ZBTB41: variants seen among roughly 807,000 people sequenced by gnomAD.
ZBTB41 encodes zinc finger and BTB domain-containing protein 41.
Under a neutral mutation model 87.6 loss-of-function variants are expected in ZBTB41, and 42 were observed. The observed-to-expected ratio is 0.48, with a 90% CI of 0.37 to 0.62. The LOEUF (loss-of-function observed/expected upper bound fraction) is 0.62, where lower values mean the gene tolerates loss of function less well. ZBTB41 is among the 20% of genes least tolerant of loss of function. The pLI, the probability that ZBTB41 is intolerant of heterozygous loss-of-function variation, is 0.00. For synonymous variants in ZBTB41, 364 were observed against 364.0 expected (o/e 1.00, Z 0.00); for missense variants, 799 against 1,078.9 (o/e 0.74, Z 3.63).
intron 10 of ZBTB41, among the ~76,000 whole-genome samples, chr1:197,162,456 T>C (rs2125122647): frequency 6.6e-6 from 1 of 152,216 alleles, no homozygotes; most frequent in African/African-American, 2.4e-5. Flanking sequence ...CTCAAAGAGA[T>C]GTAAACTAAT....
Position 197,154,566 on chromosome 1 carries a change from CTTA to C in ZBTB41, c.*4790_*4792del, listed in dbSNP as rs1252368714. The C allele has an allele frequency of 6.6e-6, 1 of 152,014 alleles. No homozygotes were observed. Among genetic ancestry groups the C allele is most frequent in the African/African-American group, 2.4e-5 (1 of 41,426 alleles). 9.4% of individuals were successfully genotyped at this position (152,014 alleles called of 1,614,324 possible). On this transcript the variant is annotated 3_prime_UTR_variant, in exon 11 of 11. Transcript: ENST00000367405. ...CACATCTTAATCCTATTACATCTAT[CTTA>C]TTAATGCTACTTCCAAAGAGAAAGA... is the stretch of plus-strand genomic sequence containing the variant.
chr1:197,177,405 T>G (rs1659635128), intron 7 of ZBTB41, among the ~76,000 whole-genome samples: 1 of 152,074 alleles, frequency 6.6e-6, no homozygotes, highest in Admixed American at 6.6e-5. Flanking sequence ...GAACTGTGAG[T>G]CAATTAAATC....
rs1226288374 is a variant in ZBTB41 at position 197,158,266 on chromosome 1, G to A, written c.*1093C>T. 3 of 152,316 alleles carry A rather than the reference G, an allele frequency of 2.0e-5. No homozygotes were observed. The highest frequency in any genetic ancestry group is 1.9e-4 in the East Asian group (1 of 5,188). 9.4% of individuals were successfully genotyped at this position (152,316 alleles called of 1,614,324 possible). ...TTACAGACATTAGGCTTTTGTGAAG[G>A]CAAAATTAAAGATCTGGATTGCATG... On this transcript the variant is annotated 3_prime_UTR_variant, in exon 11 of 11. Transcript: ENST00000367405.
At position 197,181,137 on chromosome 1, in the gene ZBTB41, AGT is replaced by A; in HGVS notation, c.1547-22_1547-21del. On this transcript the variant is annotated intron_variant, in intron 5 of 10. Coordinates refer to ENST00000367405, the MANE Select transcript of ZBTB41 (RefSeq NM_194314.3). ...AAGGACCTAAAAAGGAAAAAAAAAA[AGT>A]GTGCATTTAAAGTTTAAAGAGGAGA... is the stretch of plus-strand genomic sequence containing the variant. The A allele has an allele frequency of 6.4e-7, 1 of 1,555,758 alleles. No homozygotes were observed. The highest frequency in any genetic ancestry group is 8.6e-7 in the Non-Finnish European group (1 of 1,163,560).
At chr1:197,188,738 T>A (rs1434269613) in intron 4 of ZBTB41, among the ~76,000 whole-genome samples, 1 of 152,226 alleles carries the variant, frequency 6.6e-6, no homozygotes, top group Non-Finnish European at 1.5e-5. Flanking sequence ...TGAAATATAT[T>A]GTTTTTTAGT....
chr1:197,176,788 C>A (rs773509639), intron 7 of ZBTB41, 118 bp from the exon 8 acceptor site: 12 of 708,962 alleles, frequency 1.7e-5, no homozygotes, highest in Non-Finnish European at 2.9e-5. Context: ...ACCACTCATA[C>A]ATTATTGGCT....
intron 10 of ZBTB41, among the ~76,000 whole-genome samples, chr1:197,166,159 C>A (rs1270108289): frequency 6.6e-6 from 1 of 151,766 alleles, no homozygotes; most frequent in Admixed American, 6.6e-5. Context: ...CCTGCACATT[C>A]TGCACATGTA....
At chr1:197,188,784 G>A (rs1659947732) in intron 4 of ZBTB41, among the ~76,000 whole-genome samples, 1 of 152,022 alleles carries the variant, frequency 6.6e-6, no homozygotes, top group East Asian at 1.9e-4. Context: ...TTTCAGTGTT[G>A]CCATATATTT....
Position 197,155,842 on chromosome 1 carries a change from G to A in ZBTB41, c.*3517C>T, listed in dbSNP as rs1252403326. The A allele has an allele frequency of 6.6e-6, 1 of 152,210 alleles. No individual in the cohort carries two copies. Among genetic ancestry groups the A allele is most frequent in the African/African-American group, 2.4e-5 (1 of 41,356 alleles). The allele number at this position is 152,210 out of a possible 1,614,324, so 9.4% of individuals were successfully genotyped here. On this transcript the variant is annotated 3_prime_UTR_variant, in exon 11 of 11. Coordinates refer to ENST00000367405, the MANE Select transcript of ZBTB41 (RefSeq NM_194314.3). ...CAATAAATGCCTTAATTACTTAAAT[G>A]TATGCAAAGACTACTATCTTTACAG...
intron 10 of ZBTB41, among the ~76,000 whole-genome samples, chr1:197,171,749 T>C (rs1404896879): frequency 6.6e-6 from 1 of 151,556 alleles, no homozygotes; most frequent in Non-Finnish European, 1.5e-5. Context: ...AACAAGACAA[T>C]GAGGTCATAT....
intron 5 of ZBTB41, among the ~76,000 whole-genome samples, chr1:197,186,993 G>T (rs1659902454): frequency 6.6e-6 from 1 of 152,116 alleles, no homozygotes; most frequent in Admixed American, 6.6e-5. Flanking sequence ...TCAGGAAAAT[G>T]CAAATCAATG....
At chr1:197,187,070 G>A (rs1414960511) in intron 5 of ZBTB41, among the ~76,000 whole-genome samples, 1 of 152,090 alleles carries the variant, frequency 6.6e-6, no homozygotes, top group Non-Finnish European at 1.5e-5. Flanking sequence ...ACCAAATGCT[G>A]GCAAGAACAT....
chr1:197,199,521 G>A lies in ZBTB41; in HGVS notation c.953C>T (p.Ser318Phe), dbSNP rs1268964035. The A allele has an allele frequency of 6.2e-7, 1 of 1,611,510 alleles. No homozygotes were observed. The highest frequency in any genetic ancestry group is 8.5e-7 in the Non-Finnish European group (1 of 1,179,286). ...ELEEEMSDEY[S>F]DIEEQSEKDH... is the part of the protein sequence containing the mutation. Reference sequence around the variant, plus strand: ...CTTTTCACTTTGTTCTTCAATGTCAGAGTACTCATCTGACATCTCCTCCTC... The same window carrying A: ...CTTTTCACTTTGTTCTTCAATGTCAAAGTACTCATCTGACATCTCCTCCTC... Residue 318 changes from serine (S) to phenylalanine (F), a missense_variant, in exon 2 of 11, where the codon TCT (serine) becomes TTT (phenylalanine). By Grantham distance (155) the Ser-to-Phe change is radical (BLOSUM62 -2). Coordinates refer to ENST00000367405, the MANE Select transcript of ZBTB41 (RefSeq NM_194314.3).
At chr1:197,178,391 T>C in intron 7 of ZBTB41, 26 bp downstream of exon 7, 1 of 1,478,132 alleles carries the variant, frequency 6.8e-7, no homozygotes, top group African/African-American at 1.4e-5. Flanking sequence ...TCTTACTTAA[T>C]AAAGGGAAAA....
intron 2 of ZBTB41, among the ~76,000 whole-genome samples, chr1:197,193,925 T>C (rs1156455171): frequency 1.3e-5 from 2 of 152,204 alleles, no homozygotes; most frequent in Non-Finnish European, 2.9e-5. Flanking sequence ...TTGGAACAGG[T>C]CCATTTTTAA....
At chr1:197,166,444 T>G (rs574437915) in intron 10 of ZBTB41, among the ~76,000 whole-genome samples, 1 of 152,240 alleles carries the variant, frequency 6.6e-6, no homozygotes, top group Admixed American at 6.5e-5. Flanking sequence ...TGCCAATAGA[T>G]TTCACATTTT....
intron 2 of ZBTB41, among the ~76,000 whole-genome samples, chr1:197,198,222 G>A (rs966163233): frequency 1.3e-5 from 2 of 152,064 alleles, no homozygotes; most frequent in African/African-American, 4.8e-5. Flanking sequence ...CACAGCCTCA[G>A]TTAAAATATT....
chr1:197,176,685 G>T lies in ZBTB41; in HGVS notation c.1773-15C>A. 1 of 1,550,296 alleles carries T rather than the reference G, an allele frequency of 6.5e-7. No homozygotes were observed. Among genetic ancestry groups the T allele is most frequent in the Non-Finnish European group, 8.9e-7 (1 of 1,125,044 alleles). The stretch of plus-strand genomic sequence containing the variant: ...GTAAGTGAAGTCTATAAAGAAAAAA[G>T]AATTGAACACCATTAAAACTGGTGA... On this transcript the variant is annotated splice_polypyrimidine_tract_variant and intron_variant, in intron 7 of 10. Coordinates refer to ENST00000367405, the MANE Select transcript of ZBTB41 (RefSeq NM_194314.3).
At chr1:197,171,480 T>C (rs982801153) in intron 10 of ZBTB41, among the ~76,000 whole-genome samples, 10 of 152,034 alleles carry the variant, frequency 6.6e-5, no homozygotes, top group African/African-American at 1.9e-4. Flanking sequence ...AATACATAAA[T>C]GGGCTTGTTT....
Sources: allele counts gnomAD v4.1 joint callset (sites outside exome capture counted in the v4.1 genomes callset), GRCh38; gene constraint gnomAD v4.1.1; transcripts MANE v1.5; gene names NCBI Gene and HGNC (gene_info 2026-07-23, HGNC 2026-07-21).